RFX1: variants seen among roughly 807,000 people sequenced by gnomAD.
RFX1 encodes MHC class II regulatory factor RFX1.
RFX1 carries 42 observed loss-of-function variants against 119.6 expected under a neutral mutation model. The observed-to-expected ratio is 0.35, with a 90% CI of 0.27 to 0.45. The LOEUF is 0.45. Ranked by LOEUF, RFX1 falls within the 20% of genes least tolerant of loss-of-function variation. The pLI, the probability that RFX1 is intolerant of heterozygous loss-of-function variation, is 1.00. For missense variants in RFX1, 1,118 were observed against 1,368.1 expected, an observed-to-expected ratio of 0.82 and a Z score of 2.88; for synonymous variants, 628 against 618.5, an observed-to-expected ratio of 1.02 and a Z score of -0.23.
chr19:13,968,416 G>A lies in RFX1; in HGVS notation c.1732+149C>T. ...AACTGTCACTGTGGACGGAGACTGT[G>A]ATGTCTCCCCCACCCCCTGCTGGTT... On this transcript the variant is annotated intron_variant, in intron 12 of 20. Coordinates refer to ENST00000254325, the MANE Select transcript of RFX1 (RefSeq NM_002918.5). This position sits in a 1 kb window ranked among gnomAD's most constrained non-coding sequence, Gnocchi z 5.5. The A allele has an allele frequency of 1.5e-6, 1 of 653,884 alleles. No individual in the cohort carries two copies. The highest frequency in any genetic ancestry group is 2.8e-6 in the Non-Finnish European group (1 of 361,832). 40.5% of individuals were successfully genotyped at this position (653,884 alleles called of 1,614,324 possible). A position where few individuals can be genotyped will look rare whatever the true frequency, so the allele number is the denominator to read the frequency against.
In RFX1 at chr19:13,980,652, G is replaced by C. The variant is rs746580616; in HGVS notation, c.659C>G (p.Thr220Arg). Residue 220 changes from threonine to arginine, a missense_variant, in exon 6 of 21, where the codon ACA (threonine) becomes AGA (arginine). Physicochemically the swap from Thr to Arg is moderately conservative, Grantham distance 71. Transcript: ENST00000254325. This position sits in a 1 kb window ranked among gnomAD's most constrained non-coding sequence, Gnocchi z 5.1. ...CACTGTGCCCGTGGGGGCCCCGGCT[G>C]TCTTGCTGGAAGAGCTGTTGGCCTG... is the stretch of plus-strand genomic sequence containing the variant. ...PVQANSSSSK[T>R]AGAPTGTVPQ... The C allele has an allele frequency of 6.3e-7, 1 of 1,591,886 alleles. No individual in the cohort carries two copies. Among genetic ancestry groups the C allele is most frequent in the Non-Finnish European group, 8.5e-7 (1 of 1,174,900 alleles).
chr19:13,967,805 C>T (rs980544301), intron 12 of RFX1, among the ~76,000 whole-genome samples: 2 of 152,182 alleles, frequency 1.3e-5, no homozygotes, highest in Admixed American at 6.6e-5. Context: ...GGGTACACAC[C>T]TGCCTTCTTG....
Position 13,985,842 on chromosome 19 carries a change from AGT to A in RFX1, c.320-2249_320-2248del, listed in dbSNP as rs1347085212. On this transcript the variant is annotated intron_variant, in intron 2 of 20. Transcript: ENST00000254325. The surrounding 1 kb of genome is among the most constrained non-coding windows in gnomAD (Gnocchi z 4.3). Reference sequence around the variant, plus strand: ...CTATTCAGGGCAGATGCAAAGGCCAAGTCAAGGGCAGAGCGCAGGAGTGTGTG... The same window carrying A: ...CTATTCAGGGCAGATGCAAAGGCCAACAAGGGCAGAGCGCAGGAGTGTGTG... Among the ~76,000 whole-genome samples the A allele has an allele frequency of 2.0e-5, 3 of 152,116 alleles. No homozygotes were observed. The highest frequency in any genetic ancestry group is 4.4e-5 in the Non-Finnish European group (3 of 68,016).
At position 13,963,657 on chromosome 19, in the gene RFX1, C is replaced by G. The variant is rs1362367226; in HGVS notation, c.2451G>C (p.Ser817=). ...CCAGCCAGGCCGCCCACTGCTCCAG[C>G]GAGTTCTGCTGCTGCAGCGTCACCT... The part of the protein sequence containing the change: ...DFKVTLQQQN[S]LEQWAAWLDG... The change falls in exon 18 of 21, where the codon TCG becomes TCC. Residue 817 remains serine, a synonymous_variant. Transcript: ENST00000254325. The G allele has an allele frequency of 1.2e-6, 2 of 1,602,720 alleles. No homozygotes were observed. The highest frequency in any genetic ancestry group is 1.7e-5 in the Admixed American group (1 of 59,370).
chr19:14,004,954 C>G (rs1352021578), intron 1 of RFX1, among the ~76,000 whole-genome samples: 3 of 152,180 alleles, frequency 2.0e-5, no homozygotes. Flanking sequence ...CTCCTGCCCA[C>G]GTGGCCCTAG....
At chr19:14,001,421 C>G (rs1975212438) in intron 1 of RFX1, among the ~76,000 whole-genome samples, 2 of 152,190 alleles carry the variant, frequency 1.3e-5, no homozygotes, top group African/African-American at 4.8e-5. Context: ...CGGCCTCAGC[C>G]TCCACAGTAT....
Position 13,994,893 on chromosome 19 carries a change from CATATATATATATATATATATATATATAT to C in RFX1, c.-52-1026_-52-999del, listed in dbSNP as rs566150731. Among the ~76,000 whole-genome samples, 92 of 59,312 alleles carry C rather than the reference CATATATATATATATATATATATATATAT, an allele frequency of 1.6e-3. No homozygotes were observed. In the East Asian group the frequency reaches 0.023, roughly 15 times the overall value. 38.9% of individuals were successfully genotyped at this position (59,312 alleles called of 152,430 possible). On this transcript the variant is annotated intron_variant, in intron 1 of 20. Coordinates refer to ENST00000254325, the MANE Select transcript of RFX1 (RefSeq NM_002918.5). ...GTATATGTATATTGAAATATACATA[CATATATATATATATATATATATATATAT>C]ATATATATATATATATAATCATTTT... is the stretch of plus-strand genomic sequence containing the variant.
rs1280075936 is a variant in RFX1 at position 14,006,229 on chromosome 19, G to C, written c.-179C>G. ...GGGGGGTGGGGGTGGGGGTCGGCCG[G>C]GCGGTTGTTGTTGTTGACTCGCGTT... On this transcript the variant is annotated 5_prime_UTR_variant, in exon 1 of 21. Coordinates refer to ENST00000254325, the MANE Select transcript of RFX1 (RefSeq NM_002918.5). The C allele has an allele frequency of 6.6e-6, 1 of 152,228 alleles. No homozygotes were observed. The highest frequency in any genetic ancestry group is 1.5e-5 in the Non-Finnish European group (1 of 68,082). The allele number at this position is 152,228 out of a possible 1,614,324, so 9.4% of individuals were successfully genotyped here. A position where few individuals can be genotyped will look rare whatever the true frequency, so the allele number is the denominator to read the frequency against.
In RFX1 at chr19:13,965,666, C is replaced by G. The variant is rs1234916656; in HGVS notation, c.2073G>C (p.Leu691=). Residue 691 remains leucine (L), a synonymous_variant, in exon 15 of 21, where the codon CTG becomes CTC. Coordinates refer to ENST00000254325, the MANE Select transcript of RFX1 (RefSeq NM_002918.5). The surrounding 1 kb of genome is among the most constrained non-coding windows in gnomAD (Gnocchi z 4.7). ...GCACGTCGGGAATGAGGATTTCCACCAGGCCCTGGTACAGCACGTTGTCAC... is the reference window on the plus strand; with the variant it reads ...GCACGTCGGGAATGAGGATTTCCACGAGGCCCTGGTACAGCACGTTGTCAC... ...KHCDNVLYQG[L]VEILIPDVLR... is the part of the protein sequence containing the mutation. 3 of 1,613,742 alleles carry G rather than the reference C, an allele frequency of 1.9e-6. No homozygotes were observed. Among genetic ancestry groups the G allele is most frequent in the Middle Eastern group, 1.6e-4 (1 of 6,084 alleles).
At chr19:13,963,784 C>A in intron 17 of RFX1, 38 bp from the exon 18 acceptor site, 1 of 1,501,486 alleles carries the variant, frequency 6.7e-7, no homozygotes, top group Non-Finnish European at 8.9e-7. Context: ...CGGGGCTCAG[C>A]CGCCGTCACC....
At chr19:13,975,126 C>A (rs1342545494) in intron 8 of RFX1, among the ~76,000 whole-genome samples, 1 of 150,940 alleles carries the variant, frequency 6.6e-6, no homozygotes, top group East Asian at 1.9e-4. Flanking sequence ...GAGGCCAAGG[C>A]GGGTGGATCA....
chr19:13,968,966 C>A lies in RFX1; in HGVS notation c.1497-72G>T. 6.7e-7 allele frequency: 1 copy of A among 1,484,876 alleles called. No individual in the cohort carries two copies. 92.0% of individuals were successfully genotyped at this position (1,484,876 alleles called of 1,614,324 possible). On this transcript the variant is annotated intron_variant, in intron 10 of 20. Coordinates refer to ENST00000254325, the MANE Select transcript of RFX1 (RefSeq NM_002918.5). This position sits in a 1 kb window ranked among gnomAD's most constrained non-coding sequence, Gnocchi z 5.5. ...TGGCCGGCCATGGAGCACCTCACAG[C>A]ACACCCGTCTCCTCTCTGTTAGGAG...
At chr19:13,964,967 T>C (rs1973845574) in intron 16 of RFX1, among the ~76,000 whole-genome samples, 1 of 152,244 alleles carries the variant, frequency 6.6e-6, no homozygotes, top group African/African-American at 2.4e-5. Context: ...GTCCCTGCCC[T>C]GTGCCCAGCG....
At chr19:13,974,218 G>A (rs1051106667) in intron 8 of RFX1, among the ~76,000 whole-genome samples, 2 of 152,162 alleles carry the variant, frequency 1.3e-5, no homozygotes, top group African/African-American at 2.4e-5. Context: ...GGTGGGGCTA[G>A]AGAAGGCGAT....
intron 1 of RFX1, among the ~76,000 whole-genome samples, chr19:13,996,827 G>A (rs1975040543): frequency 6.7e-6 from 1 of 150,364 alleles, no homozygotes; most frequent in Non-Finnish European, 1.5e-5. Flanking sequence ...GGGTTCAAGT[G>A]ATTCTCCTGC....
At chr19:13,983,325 C>G in intron 3 of RFX1, 55 bp from the exon 4 acceptor site, 1 of 1,451,088 alleles carries the variant, frequency 6.9e-7, no homozygotes, top group Non-Finnish European at 9.3e-7. Context: ...GGAGGCCTGG[C>G]GTGGTTGGGT....
intron 1 of RFX1, among the ~76,000 whole-genome samples, chr19:13,999,757 C>T (rs953782513): frequency 1.3e-5 from 2 of 151,966 alleles, no homozygotes; most frequent in Non-Finnish European, 1.5e-5. Flanking sequence ...CTCACTGCAA[C>T]CTCTGCCTCC....
rs141186878 is a variant in RFX1 at position 13,969,130 on chromosome 19, C to T, written c.1497-236G>A. On this transcript the variant is annotated intron_variant, in intron 10 of 20. Transcript: ENST00000254325. The surrounding 1 kb of genome is among the most constrained non-coding windows in gnomAD (Gnocchi z 4.5). ...ATGGCTGAATGGATGAATGGCTGAA[C>T]GAGGTGACGCTGAAGCTGGGAATGG... 1.1e-4 allele frequency among the ~76,000 whole-genome samples: 17 copies of T among 152,176 alleles called. 1 individual carries two copies. The highest frequency in any genetic ancestry group is 3.1e-4 in the African/African-American group (13 of 41,494).
intron 12 of RFX1, among the ~76,000 whole-genome samples, chr19:13,967,936 C>T (rs1357913836): frequency 6.6e-6 from 1 of 152,142 alleles, no homozygotes; most frequent in East Asian, 1.9e-4. Context: ...CAAAAAGTAA[C>T]CATGTCCAAC....
Sources: gnomAD v4.1 joint callset for allele counts (sites outside exome capture counted in the v4.1 genomes callset) on GRCh38, gnomAD v4.1.1 for gene constraint, Gnocchi (gnomAD v3.1) non-coding constraint, MANE v1.5 for transcripts, NCBI Gene and HGNC (gene_info 2026-07-23, HGNC 2026-07-21) for gene names.